The following DMD variants were observed in gnomAD, a reference collection of about 807,000 sequenced individuals.
DMD encodes mutant dystrophin.
DMD carries 63 observed loss-of-function variants against 330.1 expected under a neutral mutation model. That is an observed-to-expected ratio of 0.19 (90% CI 0.16 to 0.24). The LOEUF (loss-of-function observed/expected upper bound fraction) is 0.24. Among genes scored for constraint, DMD ranks in the 10% least tolerant of loss-of-function variants. DMD has a pLI of 1.00. For synonymous variants in DMD, 1,223 were observed against 959.8 expected (o/e 1.27, Z -5.07); for missense variants, 3,344 against 2,684.1 (o/e 1.25, Z -5.43).
intron 47 of DMD, among the ~76,000 whole-genome samples, chrX:31,909,255 T>A (rs1024402325): frequency 1.8e-5 from 2 of 111,478 alleles, no homozygotes; most frequent in Non-Finnish European, 3.8e-5. Flanking sequence ...CTGTAGAGTT[T>A]GGTTGAGATT....
chrX:33,073,801 C>T (rs1369795610), intron 1 of DMD, among the ~76,000 whole-genome samples: 1 of 108,170 alleles, frequency 9.2e-6, no homozygotes, highest in East Asian at 2.9e-4. Flanking sequence ...CACCGCACTC[C>T]ATCCTGGACA....
chrX:33,192,576 GTT>G (rs1325668093), intron 1 of DMD, among the ~76,000 whole-genome samples: 1 of 111,982 alleles, frequency 8.9e-6, no homozygotes, highest in Non-Finnish European at 1.9e-5. Flanking sequence ...AATGAGTATT[GTT>G]TAGACATATT....
chrX:32,869,659 A>G (rs1485752273), intron 2 of DMD, among the ~76,000 whole-genome samples: 6 of 109,308 alleles, frequency 5.5e-5, no homozygotes, highest in African/African-American at 1.0e-4. Context: ...GAGCTTGAAG[A>G]TTATCTTGCT....
intron 52 of DMD, among the ~76,000 whole-genome samples, chrX:31,715,234 C>T (rs935696651): frequency 5.8e-5 from 6 of 103,581 alleles, no homozygotes; most frequent in Middle Eastern, 4.9e-3. Flanking sequence ...GGGGGAGCTG[C>T]GAAACTGAAC....
intron 29 of DMD, among the ~76,000 whole-genome samples, chrX:32,421,727 A>G (rs1028482670): frequency 8.9e-6 from 1 of 111,804 alleles, no homozygotes; most frequent in African/African-American, 3.3e-5. Flanking sequence ...GATGAAACCC[A>G]TCGTGCTGGA....
At chrX:32,449,420 C>T (rs762364014) in intron 26 of DMD, among the ~76,000 whole-genome samples, 5 of 109,790 alleles carry the variant, frequency 4.6e-5, no homozygotes, top group South Asian at 7.8e-4. Flanking sequence ...GAACGAACGC[C>T]GTTTCTTTAT....
chrX:31,866,635 T>C (rs373277368), intron 48 of DMD, among the ~76,000 whole-genome samples: 87 of 112,315 alleles, frequency 7.7e-4, no homozygotes, highest in African/African-American at 1.5e-3. Context: ...AATTCCTAGT[T>C]TTCTCTATAA....
intron 16 of DMD, among the ~76,000 whole-genome samples, chrX:32,560,222 G>C (rs1292802669): frequency 9.7e-6 from 1 of 103,374 alleles, no homozygotes; most frequent in Non-Finnish European, 2.0e-5. Context: ...TTACACCAAA[G>C]CACCTGGTAT....
At chrX:33,087,371 G>T (rs1453889236) in intron 1 of DMD, among the ~76,000 whole-genome samples, 1 of 112,262 alleles carries the variant, frequency 8.9e-6, no homozygotes, top group Non-Finnish European at 1.9e-5. Flanking sequence ...CTAGCATTTA[G>T]TTCATATGGC....
At chrX:31,628,259 G>T (rs2078956080) in intron 54 of DMD, among the ~76,000 whole-genome samples, 1 of 108,803 alleles carries the variant, frequency 9.2e-6, no homozygotes, top group Non-Finnish European at 1.9e-5. Flanking sequence ...TGCCAAATTT[G>T]AGACAAACCT....
chrX:33,153,111 T>C (rs1199223654), intron 1 of DMD, among the ~76,000 whole-genome samples: 1 of 112,810 alleles, frequency 8.9e-6, no homozygotes, highest in African/African-American at 3.2e-5. Context: ...AGAAAAAATA[T>C]GTGGTCAAAA....
upstream of DMD, among the ~76,000 whole-genome samples, chrX:33,216,215 G>T (rs1018259045): frequency 3.6e-5 from 4 of 111,686 alleles, no homozygotes; most frequent in Admixed American, 3.8e-4. Context: ...GCAGTGTTTT[G>T]TAGTTCTCCT....
chrX:32,477,373 C>T (rs2041343868), intron 21 of DMD, among the ~76,000 whole-genome samples: 1 of 110,014 alleles, frequency 9.1e-6, no homozygotes, highest in Admixed American at 9.8e-5. Context: ...AAAGTATAGG[C>T]AAACTGACAT....
chrX:31,947,592 T>G (rs1035537527), intron 45 of DMD, among the ~76,000 whole-genome samples: 4 of 112,191 alleles, frequency 3.6e-5, no homozygotes, highest in African/African-American at 9.7e-5. Context: ...GGACTGAGGA[T>G]GGGGTTATAT....
intron 37 of DMD, among the ~76,000 whole-genome samples, chrX:32,361,147 T>C (rs1389946836): frequency 9.1e-6 from 1 of 109,984 alleles, no homozygotes; most frequent in Non-Finnish European, 1.9e-5. Context: ...TGCATGTGTG[T>C]GTGTCTATAT....
At chrX:32,395,699 G>T (rs192481833) in intron 30 of DMD, among the ~76,000 whole-genome samples, 7 of 111,688 alleles carry the variant, frequency 6.3e-5, no homozygotes, top group African/African-American at 1.9e-4. Flanking sequence ...CTGAGAAAGG[G>T]TTTTGGAGGG....
At position 32,663,550 on chromosome X, in the gene DMD, A is replaced by G. The variant is rs941221878; in HGVS notation, c.961-18398T>C. Among the ~76,000 whole-genome samples the G allele has an allele frequency of 3.6e-4, 40 of 111,701 alleles. 1 individual carries two copies. Among genetic ancestry groups the G allele is most frequent in the Non-Finnish European group, 7.0e-4 (37 of 53,174 alleles). On this transcript the variant is annotated intron_variant, in intron 9 of 78. Transcript: ENST00000357033. ...GAGAAGAGCTTGAAAATCATATGGAATTCTGGCTCTGTCACTTAGTACAAA... is the reference window on the plus strand; with the variant it reads ...GAGAAGAGCTTGAAAATCATATGGAGTTCTGGCTCTGTCACTTAGTACAAA...
intron 1 of DMD, among the ~76,000 whole-genome samples, chrX:33,048,850 T>C (rs1032580213): frequency 1.3e-4 from 14 of 110,612 alleles, no homozygotes; most frequent in Non-Finnish European, 2.1e-4. Context: ...TGCCAGAGCT[T>C]GAAGGGCAGA....
intron 9 of DMD, among the ~76,000 whole-genome samples, chrX:32,680,283 A>AT (rs1184378178): frequency 9.0e-6 from 1 of 111,225 alleles, no homozygotes; most frequent in South Asian, 3.8e-4. Context: ...CCATGAAAAT[A>AT]TTTTTCTAAT....
Sources: allele counts gnomAD v4.1 joint callset (sites outside exome capture counted in the v4.1 genomes callset), GRCh38; gene constraint gnomAD v4.1.1; transcripts MANE v1.5; gene names NCBI Gene and HGNC (gene_info 2026-07-23, HGNC 2026-07-21).